PLEKHA7: variants seen among roughly 807,000 people sequenced by gnomAD.
The protein encoded by PLEKHA7 is pleckstrin homology domain containing A7.
A neutral mutation model predicts 170.0 loss-of-function variants in PLEKHA7; 104 were observed. That is an observed-to-expected ratio of 0.61 (90% CI 0.52 to 0.72). The LOEUF (loss-of-function observed/expected upper bound fraction) is 0.72, where lower values mean the gene tolerates loss of function less well. Among genes scored for constraint, PLEKHA7 ranks in the 30% least tolerant of loss-of-function variants. The probability of loss-of-function intolerance (pLI) is 0.00; values close to 1 mark genes in which losing one functional copy is unlikely to be tolerated. For missense variants in PLEKHA7, 1,615 were observed against 1,671.7 expected, an observed-to-expected ratio of 0.97 and a Z score of 0.59; for synonymous variants, 648 against 660.8, an observed-to-expected ratio of 0.98 and a Z score of 0.30.
chr11:16,789,856 C>T lies in PLEKHA7; in HGVS notation c.3075G>A (p.Arg1025=), dbSNP rs750286166. ...PGRGLSGSTS[R]LQQSSTIAPY... The stretch of plus-strand genomic sequence containing the variant: ...GAGCAATGGTGGACGACTGCTGGAG[C>T]CTTGACGTGGACCCTGAGAGCCCTT... The change falls in exon 22 of 27, where the codon AGG becomes AGA. Residue 1025 remains arginine (R), a synonymous_variant. Transcript: ENST00000531066. The surrounding 1 kb of genome is among the most constrained non-coding windows in gnomAD (Gnocchi z 4.6). 6.8e-6 allele frequency: 11 copies of T among 1,614,072 alleles called. No individual in the cohort carries two copies. The highest frequency in any genetic ancestry group is 3.3e-5 in the South Asian group (3 of 91,080).
At chr11:16,977,137 C>G (rs1863118926) in intron 3 of PLEKHA7, among the ~76,000 whole-genome samples, 1 of 152,198 alleles carries the variant, frequency 6.6e-6, no homozygotes, top group Non-Finnish European at 1.5e-5. Flanking sequence ...CTCCACCACT[C>G]TGCACTTTAA....
At chr11:16,847,734 C>T (rs945197137) in intron 8 of PLEKHA7, among the ~76,000 whole-genome samples, 2 of 150,606 alleles carry the variant, frequency 1.3e-5, no homozygotes, top group Non-Finnish European at 2.9e-5. Flanking sequence ...CCCAGCCACT[C>T]GGAAGGCTAA....
intron 3 of PLEKHA7, among the ~76,000 whole-genome samples, chr11:17,009,541 C>T (rs185132391): frequency 8.9e-4 from 135 of 152,300 alleles, no homozygotes; most frequent in African/African-American, 3.2e-3. Context: ...CTGTTAATGA[C>T]ACTATTATCA....
In PLEKHA7 at chr11:16,839,083, G is replaced by A. The variant is rs1031616468; in HGVS notation, c.872+2464C>T. On this transcript the variant is annotated intron_variant, in intron 9 of 26. Coordinates refer to ENST00000531066, the MANE Select transcript of PLEKHA7 (RefSeq NM_001329630.2). ...ATCTGAAAGACTCACACATGCAGAG[G>A]CTTGTAGAAGGTTAATACAAAAATT... Among the ~76,000 whole-genome samples, 18 of 152,040 alleles carry A rather than the reference G, an allele frequency of 1.2e-4. 1 individual carries two copies.
chr11:16,892,641 T>TTTTTTTTTTTTTTTTTTTTTTTTC, intron 3 of PLEKHA7, among the ~76,000 whole-genome samples: 1 of 141,162 alleles, frequency 7.1e-6, no homozygotes, highest in Non-Finnish European at 1.5e-5. Context: ...TTTTTTTTTT[T>TTTTTTTTTTTTTTTTTTTTTTTTC]CGTATTTTTA....
At chr11:16,782,132 CACACAT>C (rs1370690803) in intron 26 of PLEKHA7, among the ~76,000 whole-genome samples, 1 of 150,312 alleles carries the variant, frequency 6.7e-6, no homozygotes, top group Non-Finnish European at 1.5e-5. Flanking sequence ...CACATACACA[CACACAT>C]AGACACACAT....
At chr11:16,990,905 A>G (rs1376282287) in intron 3 of PLEKHA7, among the ~76,000 whole-genome samples, 3 of 152,236 alleles carry the variant, frequency 2.0e-5, no homozygotes, top group African/African-American at 7.2e-5. Context: ...CAGTATCTGT[A>G]TGGCTCTGAG....
intron 9 of PLEKHA7, among the ~76,000 whole-genome samples, chr11:16,831,899 T>G (rs1403809733): frequency 1.3e-5 from 2 of 152,206 alleles, no homozygotes; most frequent in Non-Finnish European, 1.5e-5. Flanking sequence ...CCCCAATTTT[T>G]TGAAAGTCGC....
At chr11:16,837,140 A>G (rs1395445493) in intron 9 of PLEKHA7, among the ~76,000 whole-genome samples, 1 of 152,066 alleles carries the variant, frequency 6.6e-6, no homozygotes, top group Non-Finnish European at 1.5e-5. Context: ...TTTTATTTTT[A>G]AAGGGACAAA....
intron 3 of PLEKHA7, among the ~76,000 whole-genome samples, chr11:16,957,377 G>A (rs1039620772): frequency 7.2e-5 from 11 of 152,146 alleles, no homozygotes; most frequent in Non-Finnish European, 1.5e-4. Context: ...CTGAAGACCC[G>A]AGGCTTATTT....
intron 4 of PLEKHA7, among the ~76,000 whole-genome samples, chr11:16,857,863 C>A (rs952406781): frequency 9.2e-5 from 14 of 152,282 alleles, no homozygotes; most frequent in Admixed American, 9.2e-4. Flanking sequence ...GTATTACAGG[C>A]GCTTGCCACC....
rs1044106712 is a variant in PLEKHA7, at chr11:16,845,465, C to T, written c.697-3743G>A. On this transcript the variant is annotated intron_variant, in intron 8 of 26. Coordinates refer to ENST00000531066, the MANE Select transcript of PLEKHA7 (RefSeq NM_001329630.2). Reference sequence around the variant, plus strand: ...CACTGCAACCTTCGCCTCCCTGGTTCGAGCAATCCTCCCACCCCAGCCTCC... The same window carrying T: ...CACTGCAACCTTCGCCTCCCTGGTTTGAGCAATCCTCCCACCCCAGCCTCC... 1.3e-5 allele frequency among the ~76,000 whole-genome samples: 2 copies of T among 152,280 alleles called. 1 individual carries two copies. Among genetic ancestry groups the T allele is most frequent in the South Asian group, 4.1e-4 (2 of 4,828 alleles).
rs957268757 is a variant in PLEKHA7, at chr11:16,777,878, G to T, written c.*1120C>A. On this transcript the variant is annotated 3_prime_UTR_variant, in exon 27 of 27. Transcript: ENST00000531066. ...CCATCATGGCCTGGTTAGAGGGAAG[G>T]GATTTCTAGGTAGATGTCACCCAGT... 5 of 152,198 alleles carry T rather than the reference G, an allele frequency of 3.3e-5. No individual in the cohort carries two copies. The highest frequency in any genetic ancestry group is 1.2e-4 in the African/African-American group (5 of 41,464). The allele number at this position is 152,198 out of a possible 1,614,324, so 9.4% of individuals were successfully genotyped here.
rs1205663694 is a variant in PLEKHA7, at chr11:16,878,225, C to G, written c.222-7043G>C. On this transcript the variant is annotated intron_variant, in intron 3 of 26. Transcript: ENST00000531066. ...CTCCTCTCCATCTGTACAGCTAGCA[C>G]CCTACTCATCTCTTAACTAGATACT... Among the ~76,000 whole-genome samples the G allele has an allele frequency of 2.0e-5, 3 of 152,124 alleles. No individual in the cohort carries two copies. The East Asian group carries it at 5.8e-4, about 29-fold the overall frequency.
At chr11:16,917,717 T>C (rs978036172) in intron 3 of PLEKHA7, among the ~76,000 whole-genome samples, 1 of 152,248 alleles carries the variant, frequency 6.6e-6, no homozygotes, top group African/African-American at 2.4e-5. Flanking sequence ...TTTTCCCATA[T>C]AAGGTAACAT....
At chr11:16,980,581 T>C (rs1321652457) in intron 3 of PLEKHA7, among the ~76,000 whole-genome samples, 2 of 152,184 alleles carry the variant, frequency 1.3e-5, no homozygotes, top group South Asian at 4.1e-4. Flanking sequence ...TTCTTTGAGG[T>C]AGTTATGTTT....
intron 4 of PLEKHA7, among the ~76,000 whole-genome samples, chr11:16,860,623 T>C (rs1853868181): frequency 6.6e-6 from 1 of 152,166 alleles, no homozygotes; most frequent in Non-Finnish European, 1.5e-5. Flanking sequence ...TCTCTATTTA[T>C]AGAGGAGGAA....
intron 3 of PLEKHA7, among the ~76,000 whole-genome samples, chr11:16,973,682 G>C (rs1862864555): frequency 6.6e-6 from 1 of 152,168 alleles, no homozygotes; most frequent in African/African-American, 2.4e-5. Flanking sequence ...CTTAGACTGA[G>C]CAGCTGCTTC....
chr11:17,004,481 C>T (rs1274504180), intron 3 of PLEKHA7, among the ~76,000 whole-genome samples: 1 of 151,864 alleles, frequency 6.6e-6, no homozygotes, highest in Non-Finnish European at 1.5e-5. Flanking sequence ...TAACCTCTGC[C>T]TCCTGGGTTC....
Sources: allele counts gnomAD v4.1 joint callset (sites outside exome capture counted in the v4.1 genomes callset), GRCh38; gene constraint gnomAD v4.1.1; non-coding constraint Gnocchi (gnomAD v3.1); transcripts MANE v1.5; gene names NCBI Gene and HGNC (gene_info 2026-07-23, HGNC 2026-07-21).